Variants in ESM1 observed in about 807,000 individuals in gnomAD.
The protein encoded by ESM1 is endothelial cell specific molecule 1, also known as endothelial cell-specific molecule 1.
A neutral mutation model predicts 14.9 loss-of-function variants in ESM1; 7 were observed. The ratio of observed to expected loss-of-function variants is 0.47; its 90% CI spans 0.27 to 0.88. ESM1 has a LOEUF of 0.88. Ranked by LOEUF, ESM1 falls within the 40% of genes least tolerant of loss-of-function variation. The probability of loss-of-function intolerance (pLI) is 0.14; values close to 1 mark genes in which losing one functional copy is unlikely to be tolerated. For synonymous variants in ESM1, 89 were observed against 89.4 expected (o/e 1.00, Z 0.02); for missense variants, 192 against 237.9 (o/e 0.81, Z 1.27).
Position 54,981,319 on chromosome 5 carries a change from T to C in ESM1, c.451+678A>G, listed in dbSNP as rs1744048226. ...GAACTCTCCTGTACTGGCCAGCTAT[T>C]CAACAAAATAAACAAATATGTACAT... On this transcript the variant is annotated intron_variant, in intron 2 of 2. Coordinates refer to ENST00000381405, the MANE Select transcript of ESM1 (RefSeq NM_007036.5). Among the ~76,000 whole-genome samples, 3 of 152,308 alleles carry C rather than the reference T, an allele frequency of 2.0e-5. No individual in the cohort carries two copies. The South Asian group carries it at 6.2e-4, about 32-fold the overall frequency.
Position 54,979,402 on chromosome 5 carries a change from A to C in ESM1, c.485T>G (p.Val162Gly), listed in dbSNP as rs1247469358. 13 of 1,613,460 alleles carry C rather than the reference A, an allele frequency of 8.1e-6. No individual in the cohort carries two copies. The highest frequency in any genetic ancestry group is 1.6e-4 in the Middle Eastern group (1 of 6,084). The change falls in exon 3 of 3, where the codon GTG (valine) becomes GGG (glycine). Residue 162 changes from valine (V) to glycine (G), a missense_variant. Physicochemically the swap from Val to Gly is moderately radical, Grantham distance 109 (BLOSUM62 -3). Coordinates refer to ENST00000381405, the MANE Select transcript of ESM1 (RefSeq NM_007036.5). ...HDMASGDGNIVREEVVKENAA... is the reference protein window; with the variant it reads ...HDMASGDGNIGREEVVKENAA... ...ATTCTCTTTCACAACTTCTTCTCTC[A>C]CAATATTGCCATCTCCAGATGCCAT...
chr5:54,978,019 T>A lies in ESM1; in HGVS notation c.*1313A>T, dbSNP rs1052492806. 6 of 152,156 alleles carry A rather than the reference T, an allele frequency of 3.9e-5. No homozygotes were observed. The highest frequency in any genetic ancestry group is 2.0e-4 in the Admixed American group (3 of 15,274). The allele number at this position is 152,156 out of a possible 1,614,324, so 9.4% of individuals were successfully genotyped here. On this transcript the variant is annotated 3_prime_UTR_variant, in exon 3 of 3. Transcript: ENST00000381405. ...AATAAAATACAGGTAAATACTGAAA[T>A]AATTCTTAAATAAGTTCTTCACTTC...
At chr5:54,981,376 A>T (rs558708042) in intron 2 of ESM1, among the ~76,000 whole-genome samples, 1 of 152,312 alleles carries the variant, frequency 6.6e-6, no homozygotes, top group East Asian at 1.9e-4. Context: ...TATTCCTCAC[A>T]TTCTAACACC....
Position 54,979,156 on chromosome 5 carries a change from T to C in ESM1, c.*176A>G, listed in dbSNP as rs1744000485. 3.4e-6 allele frequency: 2 copies of C among 587,020 alleles called. No individual in the cohort carries two copies. Among genetic ancestry groups the C allele is most frequent in the Non-Finnish European group, 6.1e-6 (2 of 326,870 alleles). 36.4% of individuals were successfully genotyped at this position (587,020 alleles called of 1,614,324 possible). A position where few individuals can be genotyped will look rare whatever the true frequency, so the allele number is the denominator to read the frequency against. Reference sequence around the variant, plus strand: ...ACAAACACATACAAGTGTTCAGTCATATGGATGTTATGGATTGTAAGTATC... The same window carrying C: ...ACAAACACATACAAGTGTTCAGTCACATGGATGTTATGGATTGTAAGTATC... On this transcript the variant is annotated 3_prime_UTR_variant, in exon 3 of 3. Transcript: ENST00000381405.
rs1450206498 is a variant in ESM1 at position 54,982,087 on chromosome 5, T to C, written c.361A>G (p.Ile121Val). 2 of 1,614,100 alleles carry C rather than the reference T, an allele frequency of 1.2e-6. No individual in the cohort carries two copies. Among genetic ancestry groups the C allele is most frequent in the African/African-American group, 1.3e-5 (1 of 74,944 alleles). Residue 121 changes from isoleucine (I) to valine (V), a missense_variant, in exon 2 of 3, where the codon ATC becomes GTC. Ile to Val is a conservative substitution (Grantham distance 29). Coordinates refer to ENST00000381405, the MANE Select transcript of ESM1 (RefSeq NM_007036.5). ...CATTTTCCCGTCCCCCTGTCACAGA[T>C]GCCTGACTGGCAGTTGCAGGTCTCT... is the stretch of plus-strand genomic sequence containing the variant. ...CRETCNCQSG[I>V]CDRGTGKCLK...
chr5:54,983,069 A>G (rs778797228), intron 1 of ESM1, among the ~76,000 whole-genome samples: 5 of 152,228 alleles, frequency 3.3e-5, no homozygotes, highest in Non-Finnish European at 5.9e-5. Flanking sequence ...TAAATGTACA[A>G]TCACAGGTGG....
intron 1 of ESM1, among the ~76,000 whole-genome samples, chr5:54,984,184 C>T (rs1366433902): frequency 1.3e-5 from 2 of 151,826 alleles, no homozygotes; most frequent in East Asian, 1.9e-4. Context: ...TAGCACAATA[C>T]TGGATAAATA....
At chr5:54,983,854 C>A (rs187005288) in intron 1 of ESM1, among the ~76,000 whole-genome samples, 1 of 152,180 alleles carries the variant, frequency 6.6e-6, no homozygotes, top group Admixed American at 6.5e-5. Flanking sequence ...CATATACATG[C>A]TATATCATAA....
intron 1 of ESM1, among the ~76,000 whole-genome samples, chr5:54,983,802 T>A (rs539720449): frequency 1.3e-5 from 2 of 152,212 alleles, no homozygotes; most frequent in African/African-American, 4.8e-5. Context: ...TACAATCACA[T>A]GTACAAAGGC....
rs372175936 is a variant in ESM1 at position 54,985,551 on chromosome 5, C to T, written c.-34G>A. On this transcript the variant is annotated 5_prime_UTR_variant, in exon 1 of 3. Coordinates refer to ENST00000381405, the MANE Select transcript of ESM1 (RefSeq NM_007036.5). ...GCTGCCTCCGGCTCGGCTCTCCAGT[C>T]GTGGTCTTTGCTGGTGGGAAGCAGC... 1.9e-4 allele frequency: 300 copies of T among 1,556,848 alleles called. No homozygotes were observed. Among genetic ancestry groups the T allele is most frequent in the Non-Finnish European group, 2.4e-4 (281 of 1,148,652 alleles).
At chr5:54,980,577 G>C (rs1229106781) in intron 2 of ESM1, among the ~76,000 whole-genome samples, 1 of 152,110 alleles carries the variant, frequency 6.6e-6, no homozygotes, top group Admixed American at 6.6e-5. Context: ...ATCTTTTGCT[G>C]GTTGCACCTT....
At chr5:54,979,745 C>T (rs956486151) in intron 2 of ESM1, among the ~76,000 whole-genome samples, 48 of 152,164 alleles carry the variant, frequency 3.2e-4, no homozygotes, top group African/African-American at 1.2e-3. Context: ...CTTTATTTTG[C>T]TCACTGCTAT....
chr5:54,983,119 C>T (rs573383996), intron 1 of ESM1, among the ~76,000 whole-genome samples: 2 of 152,216 alleles, frequency 1.3e-5, no homozygotes, highest in East Asian at 3.9e-4. Context: ...CTCTAGCAGT[C>T]TAATACTCCA....
At chr5:54,981,547 G>A (rs1744051302) in intron 2 of ESM1, among the ~76,000 whole-genome samples, 1 of 152,166 alleles carries the variant, frequency 6.6e-6, no homozygotes, top group South Asian at 2.1e-4. Flanking sequence ...TTAAAAAAAA[G>A]AAACGTTCTA....
At position 54,985,205 on chromosome 5, in the gene ESM1, G is replaced by A. The variant is rs775561769; in HGVS notation, c.301+12C>T. The A allele has an allele frequency of 3.8e-6, 6 of 1,587,924 alleles. No homozygotes were observed. In the Admixed American group the frequency reaches 1.0e-4, roughly 27 times the overall value. On this transcript the variant is annotated intron_variant, in intron 1 of 2. Transcript: ENST00000381405. ...TGCCCCGGGAGGGGAGAGGTAAGGG[G>A]TCACTCTTTACCTTTGCAGATACCA...
At chr5:54,982,918 A>G (rs984378549) in intron 1 of ESM1, among the ~76,000 whole-genome samples, 3 of 152,256 alleles carry the variant, frequency 2.0e-5, no homozygotes, top group South Asian at 2.1e-4. Context: ...ATTGAAATAA[A>G]GAGGACAAAG....
At chr5:54,981,887 G>T in intron 2 of ESM1, 110 bp downstream of exon 2, 1 of 1,192,736 alleles carries the variant, frequency 8.4e-7, no homozygotes. Context: ...TAAAGCAAAG[G>T]AAATAAAATC....
intron 2 of ESM1, among the ~76,000 whole-genome samples, chr5:54,980,972 T>A (rs1045481462): frequency 1.3e-5 from 2 of 152,208 alleles, no homozygotes; most frequent in Non-Finnish European, 2.9e-5. Flanking sequence ...ACTAGCCATC[T>A]CTGTGACTAT....
intron 1 of ESM1, among the ~76,000 whole-genome samples, chr5:54,983,721 G>A (rs1478592600): frequency 6.6e-6 from 1 of 152,182 alleles, no homozygotes; most frequent in Admixed American, 6.5e-5. Context: ...TGATCATTCA[G>A]TAGAATACTA....
Sources: gnomAD v4.1 joint callset for allele counts (sites outside exome capture counted in the v4.1 genomes callset) on GRCh38, gnomAD v4.1.1 for gene constraint, MANE v1.5 for transcripts, NCBI Gene and HGNC (gene_info 2026-07-23, HGNC 2026-07-21) for gene names.